ANXA8: variants seen among roughly 807,000 people sequenced by gnomAD.
ANXA8 encodes the protein annexin A8.
ANXA8 carries 9 observed loss-of-function variants against 26.8 expected under a neutral mutation model. The observed-to-expected ratio is 0.34, with a 90% confidence interval of 0.20 to 0.59. ANXA8 has a LOEUF of 0.59. ANXA8 is among the 20% of genes least tolerant of loss of function. The pLI, the probability that ANXA8 is intolerant of heterozygous loss-of-function variation, is 0.84. For synonymous variants in ANXA8, 39 were observed against 94.8 expected (o/e 0.41, Z 3.42); for missense variants, 83 against 238.5 (o/e 0.35, Z 4.29).
At chr10:47,694,668 C>T in the ANXA8 span, among the ~76,000 whole-genome samples, 42 of 152,010 alleles carry the variant, frequency 2.8e-4, no homozygotes, top group African/African-American at 1.0e-3. Flanking sequence ...ATCTGCCCAC[C>T]TTGGCCTCCC....
chr10:47,769,972 G>C, the ANXA8 span, among the ~76,000 whole-genome samples: 1 of 151,560 alleles, frequency 6.6e-6, no homozygotes, highest in Admixed American at 6.6e-5. Flanking sequence ...TTCTACTCAT[G>C]GCAGAAGGTG....
At chr10:47,618,509 A>T in the ANXA8 span, among the ~76,000 whole-genome samples, 2 of 112,500 alleles carry the variant, frequency 1.8e-5, no homozygotes, top group East Asian at 4.3e-4. Flanking sequence ...TTCTTTAGAG[A>T]ATCAAATTCT....
At chr10:47,613,214 A>C in the ANXA8 span, among the ~76,000 whole-genome samples, 1 of 149,448 alleles carries the variant, frequency 6.7e-6, no homozygotes, top group Non-Finnish European at 1.5e-5. Context: ...ATGGATGTGT[A>C]ACTCAAGGAG....
At chr10:47,680,616 C>T in the ANXA8 span, among the ~76,000 whole-genome samples, 1 of 149,612 alleles carries the variant, frequency 6.7e-6, no homozygotes, top group Non-Finnish European at 1.5e-5. Flanking sequence ...GCCTGGGCAA[C>T]AGAGCAAGAC....
chr10:47,959,938 T>C, the ANXA8 span, among the ~76,000 whole-genome samples: 1 of 151,252 alleles, frequency 6.6e-6, no homozygotes, highest in Non-Finnish European at 1.5e-5. Context: ...ATGGAGGAGC[T>C]GTGCCTAGGC....
the ANXA8 span, among the ~76,000 whole-genome samples, chr10:47,546,668 G>A: frequency 7.4e-6 from 1 of 134,610 alleles, no homozygotes; most frequent in Non-Finnish European, 1.6e-5. Context: ...GGCCTCCGAA[G>A]TGCTGGGATT....
chr10:47,555,821 T>C, the ANXA8 span, among the ~76,000 whole-genome samples: 23 of 152,190 alleles, frequency 1.5e-4, no homozygotes, highest in Middle Eastern at 3.4e-3. Context: ...ACACATTTGG[T>C]TTCAGAAGTG....
At chr10:47,486,912 G>T (rs1258431489), upstream of ANXA8, among the ~76,000 whole-genome samples, 3 of 149,922 alleles carry the variant, frequency 2.0e-5, no homozygotes, top group African/African-American at 7.4e-5. Flanking sequence ...GGCAGAGGTT[G>T]CAGTGAGCCG....
the ANXA8 span, among the ~76,000 whole-genome samples, chr10:47,743,339 T>TACATATATATATAC: frequency 1.7e-5 from 1 of 59,270 alleles, no homozygotes; most frequent in African/African-American, 6.1e-5. Flanking sequence ...CATATATATA[T>TACATATATATATAC]ACATATATAT....
the ANXA8 span, among the ~76,000 whole-genome samples, chr10:47,703,407 A>C: frequency 6.6e-6 from 1 of 151,618 alleles, no homozygotes; most frequent in Admixed American, 6.6e-5. Flanking sequence ...GTCTCTACAA[A>C]AAATAGAAAA....
chr10:47,747,703 AAAC>A, the ANXA8 span, among the ~76,000 whole-genome samples: 1 of 147,672 alleles, frequency 6.8e-6, no homozygotes, highest in South Asian at 2.2e-4. Flanking sequence ...ATAAGTGATC[AAAC>A]ACACCACAAA....
the ANXA8 span, among the ~76,000 whole-genome samples, chr10:47,652,610 A>C: frequency 3.4e-5 from 5 of 149,102 alleles, no homozygotes; most frequent in Non-Finnish European, 5.9e-5. Context: ...AAAAAAGATA[A>C]ATTATGGTAT....
At chr10:47,526,061 C>G in the ANXA8 span, among the ~76,000 whole-genome samples, 2 of 136,412 alleles carry the variant, frequency 1.5e-5, 1 homozygote, top group Admixed American at 1.5e-4. Context: ...AATGAGCCAT[C>G]GTGCCCAGCC....
chr10:47,639,920 G>A, the ANXA8 span, among the ~76,000 whole-genome samples: 4,209 of 125,330 alleles, frequency 0.034, 26 homozygotes, highest in African/African-American at 0.11. Context: ...TGGGACTACA[G>A]GTGAGCACCA....
At chr10:47,590,333 A>C in the ANXA8 span, 1 of 146,584 alleles carries the variant, frequency 6.8e-6, no homozygotes, top group Admixed American at 6.6e-5. Flanking sequence ...GAAGAGAAGA[A>C]TCCAGGGTGT....
At chr10:47,565,136 C>A in the ANXA8 span, 1 of 750,254 alleles carries the variant, frequency 1.3e-6, no homozygotes, top group Non-Finnish European at 2.4e-6. Context: ...CCTGGGCCAG[C>A]TGCTGGAGGA....
chr10:47,528,034 G>A, the ANXA8 span, among the ~76,000 whole-genome samples: 864 of 142,246 alleles, frequency 6.1e-3, 24 homozygotes, highest in African/African-American at 0.021. Flanking sequence ...TTCTGGTAAA[G>A]GAAAGGTTTG....
At chr10:47,647,550 C>T in the ANXA8 span, among the ~76,000 whole-genome samples, 1 of 149,352 alleles carries the variant, frequency 6.7e-6, no homozygotes, top group Non-Finnish European at 1.5e-5. Context: ...TATGACTTCA[C>T]AGAGTGAAAT....
At chr10:47,699,496 A>T in the ANXA8 span, among the ~76,000 whole-genome samples, 9 of 151,728 alleles carry the variant, frequency 5.9e-5, no homozygotes, top group East Asian at 1.5e-3. Flanking sequence ...ATAATAAGAT[A>T]ATTCAATGAT....
Sources: allele counts gnomAD v4.1 joint callset (sites outside exome capture counted in the v4.1 genomes callset), GRCh38; gene constraint gnomAD v4.1.1; transcripts MANE v1.5; gene names NCBI Gene and HGNC (gene_info 2026-07-23, HGNC 2026-07-21).